RUNX3: variants seen among roughly 807,000 people sequenced by gnomAD.
RUNX3 encodes the protein RUNX family transcription factor 3.
A neutral mutation model predicts 27.7 loss-of-function variants in RUNX3; 10 were observed. The observed-to-expected ratio is 0.36, with a 90% confidence interval of 0.22 to 0.61. RUNX3 has a LOEUF of 0.61. Ranked by LOEUF, RUNX3 falls within the 20% of genes least tolerant of loss-of-function variation. The pLI, the probability that RUNX3 is intolerant of heterozygous loss-of-function variation, is 0.72. For missense variants in RUNX3, 469 were observed against 629.5 expected, an observed-to-expected ratio of 0.75 and a Z score of 2.73; for synonymous variants, 270 against 269.2, an observed-to-expected ratio of 1.00 and a Z score of -0.03.
At chr1:24,907,217 C>A (rs1193373888) in intron 4 of RUNX3, 42 bp downstream of exon 4, 6 of 1,589,880 alleles carry the variant, frequency 3.8e-6, no homozygotes, top group Non-Finnish European at 4.3e-6. Flanking sequence ...AGGCCCTCCA[C>A]CCCCACCTCA....
chr1:24,941,645 C>G (rs1379231618), intron 2 of RUNX3, among the ~76,000 whole-genome samples: 1 of 152,172 alleles, frequency 6.6e-6, no homozygotes, highest in African/African-American at 2.4e-5. Context: ...AAACAAAAGA[C>G]AGAACGGTGG....
Position 24,930,230 on chromosome 1 carries a change from G to A in RUNX3, c.-362C>T. The A allele has an allele frequency of 1.0e-6, 1 of 982,406 alleles. No homozygotes were observed. The highest frequency in any genetic ancestry group is 1.2e-6 in the Non-Finnish European group (1 of 828,680). The allele number at this position is 982,406 out of a possible 1,614,324, so 60.9% of individuals were successfully genotyped here. ...CCCGAAGCTCGCCCGCGGCCGCCCC[G>A]ACTCCGCGGCCGCAGCCCCAGAACA... is the stretch of plus-strand genomic sequence containing the variant. On this transcript the variant is annotated 5_prime_UTR_variant, in exon 1 of 5. Coordinates refer to ENST00000308873, the MANE Select transcript of RUNX3 (RefSeq NM_004350.3). The surrounding 1 kb of genome is among the most constrained non-coding windows in gnomAD (Gnocchi z 4.1).
intron 2 of RUNX3, among the ~76,000 whole-genome samples, chr1:24,960,706 A>G (rs964320840): frequency 1.3e-5 from 2 of 152,048 alleles, no homozygotes; most frequent in African/African-American, 4.8e-5. Flanking sequence ...GGAGGGCCTC[A>G]TGAGGCAGAT....
At chr1:24,908,059 G>A (rs182414786) in intron 3 of RUNX3, among the ~76,000 whole-genome samples, 89 of 136,582 alleles carry the variant, frequency 6.5e-4, no homozygotes, top group South Asian at 3.2e-3. Flanking sequence ...GAACCTCTAC[G>A]ACACACGGTG....
Position 24,901,833 on chromosome 1 carries a change from C to T in RUNX3, c.*289G>A, listed in dbSNP as rs561722581. On this transcript the variant is annotated 3_prime_UTR_variant, in exon 5 of 5. Transcript: ENST00000308873. ...ATAGCTGGAGACAGTGAGGTCCTTC[C>T]GGGGGGGTGGCAGGAGGCTGATTCC... is the stretch of plus-strand genomic sequence containing the variant. 6 of 433,740 alleles carry T rather than the reference C, an allele frequency of 1.4e-5. No homozygotes were observed. Among genetic ancestry groups the T allele is most frequent in the South Asian group, 4.0e-5 (1 of 24,870 alleles). 26.9% of individuals were successfully genotyped at this position (433,740 alleles called of 1,614,324 possible).
At chr1:24,937,665 G>A (rs1212461109) in intron 2 of RUNX3, among the ~76,000 whole-genome samples, 1 of 152,210 alleles carries the variant, frequency 6.6e-6, no homozygotes, top group Non-Finnish European at 1.5e-5. Flanking sequence ...ATGCCCAGGG[G>A]GATGGGGATA....
In RUNX3 at chr1:24,918,565, T is replaced by TTTCA. The variant is rs554214429; in HGVS notation, c.544+671_544+674dup. On this transcript the variant is annotated intron_variant, in intron 3 of 4. Coordinates refer to ENST00000308873, the MANE Select transcript of RUNX3 (RefSeq NM_004350.3). ...GAGCTCAGGAAGCTGGCTGGCTCTATTTCATTCATTCATTCATTCATTCAG... is the reference window on the plus strand; with the variant it reads ...GAGCTCAGGAAGCTGGCTGGCTCTATTTCATTCATTCATTCATTCATTCATTCAG... Among the ~76,000 whole-genome samples the TTTCA allele has an allele frequency of 5.0e-3, 757 of 151,974 alleles. 4 individuals are homozygous for TTTCA. Among genetic ancestry groups the TTTCA allele is most frequent in the South Asian group, 0.016 (75 of 4,796 alleles).
At chr1:24,946,864 C>T (rs1440059124) in intron 2 of RUNX3, among the ~76,000 whole-genome samples, 1 of 152,212 alleles carries the variant, frequency 6.6e-6, no homozygotes, top group Non-Finnish European at 1.5e-5. Flanking sequence ...AGAGAAAAGC[C>T]TTGTCTACAC....
upstream of RUNX3, among the ~76,000 whole-genome samples, chr1:24,931,334 G>A (rs1254797312): frequency 6.6e-6 from 1 of 152,210 alleles, no homozygotes; most frequent in Non-Finnish European, 1.5e-5. Context: ...CCCGGCTCCG[G>A]GTCCCCGCTC....
In RUNX3 at chr1:24,927,949, T is replaced by C. The variant is rs1452996878; in HGVS notation, c.283-219A>G. Among the ~76,000 whole-genome samples the C allele has an allele frequency of 6.6e-6, 1 of 152,162 alleles. No individual in the cohort carries two copies. The highest frequency in any genetic ancestry group is 2.4e-5 in the African/African-American group (1 of 41,422). On this transcript the variant is annotated intron_variant, in intron 1 of 4. Transcript: ENST00000308873. This position sits in a 1 kb window ranked among gnomAD's most constrained non-coding sequence, Gnocchi z 5.0. The stretch of plus-strand genomic sequence containing the variant: ...GGAATCTCGAGCTTCCACACCAAAA[T>C]CCTAGATCAACTGCTTACATAAACT...
rs1243410298 is a variant in RUNX3, at chr1:24,943,085, G to A, written c.59-13233C>T. Reference sequence around the variant, plus strand: ...ACAAGGTGGCAGCACCGGGAGCCGAGCCGGGTGTCATTGATCTTGCCCGGT... The same window carrying A: ...ACAAGGTGGCAGCACCGGGAGCCGAACCGGGTGTCATTGATCTTGCCCGGT... On this transcript the variant is annotated intron_variant, in intron 2 of 6. Coordinates refer to the RUNX3 transcript ENST00000338888. The surrounding 1 kb of genome is among the most constrained non-coding windows in gnomAD (Gnocchi z 4.6). Among the ~76,000 whole-genome samples, 4 of 152,266 alleles carry A rather than the reference G, an allele frequency of 2.6e-5. No individual in the cohort carries two copies. Among genetic ancestry groups the A allele is most frequent in the African/African-American group, 7.2e-5 (3 of 41,472 alleles).
rs575053057 is a variant in RUNX3 at position 24,947,531 on chromosome 1, G to A, written c.58+16983C>T. Among the ~76,000 whole-genome samples the A allele has an allele frequency of 2.6e-5, 4 of 152,332 alleles. No individual in the cohort carries two copies. The South Asian group carries it at 8.3e-4, about 32-fold the overall frequency. On this transcript the variant is annotated intron_variant, in intron 2 of 6. Coordinates refer to the RUNX3 transcript ENST00000338888. The stretch of plus-strand genomic sequence containing the variant: ...CAAGCAGCCAAGCCCGGTCTTTGAG[G>A]GGTTGGAGTGGGCAGGCCTTTGACC...
chr1:24,959,496 TC>T (rs1642044580), intron 2 of RUNX3, among the ~76,000 whole-genome samples: 1 of 152,084 alleles, frequency 6.6e-6, no homozygotes, highest in Non-Finnish European at 1.5e-5. Context: ...TCTGTTCCTC[TC>T]CCAGGGATGG....
At chr1:24,952,088 A>T (rs1641781754) in intron 2 of RUNX3, among the ~76,000 whole-genome samples, 1 of 152,236 alleles carries the variant, frequency 6.6e-6, no homozygotes, top group Admixed American at 6.5e-5. Flanking sequence ...TTGAGTCATA[A>T]TTTATATTTT....
At chr1:24,908,725 G>A (rs1463167949) in intron 3 of RUNX3, among the ~76,000 whole-genome samples, 1 of 152,176 alleles carries the variant, frequency 6.6e-6, no homozygotes, top group Non-Finnish European at 1.5e-5. Context: ...AAGGGAGGCA[G>A]GGAGATAACC....
intron 4 of RUNX3, among the ~76,000 whole-genome samples, chr1:24,903,272 A>T (rs936045596): frequency 1.3e-5 from 2 of 152,162 alleles, no homozygotes; most frequent in Non-Finnish European, 2.9e-5. Context: ...CAGCACGCGG[A>T]GGTTCTGTGC....
At chr1:24,913,595 G>A (rs754331261) in intron 3 of RUNX3, among the ~76,000 whole-genome samples, 1 of 152,246 alleles carries the variant, frequency 6.6e-6, no homozygotes, top group African/African-American at 2.4e-5. Context: ...CTGTGCAGTG[G>A]GGGTGACCCA....
chr1:24,902,452 G>A lies in RUNX3; in HGVS notation c.918C>T (p.Thr306=), dbSNP rs1485449765. 1 of 1,604,350 alleles carries A rather than the reference G, an allele frequency of 6.2e-7. No homozygotes were observed. The highest frequency in any genetic ancestry group is 1.1e-5 in the South Asian group (1 of 90,954). Residue 306 remains threonine (T), a synonymous_variant, in exon 5 of 5, where the codon ACC becomes ACT. Transcript: ENST00000308873. This position sits in a 1 kb window ranked among gnomAD's most constrained non-coding sequence, Gnocchi z 9.2. ...CCCCCGGGTAGGGTGGCGGGAGGTA[G>A]GTATGGTGGAAGCGGCTGGTGGCCG... The part of the protein sequence containing the change: ...GMPATSRFHH[T]YLPPPYPGAP...
intron 2 of RUNX3, among the ~76,000 whole-genome samples, chr1:24,922,244 C>T (rs554324500): frequency 6.9e-6 from 1 of 144,312 alleles, no homozygotes; most frequent in Admixed American, 7.2e-5. Context: ...TGGTCTTGAA[C>T]TCCTGGGCTC....
Sources: gnomAD v4.1 joint callset for allele counts (sites outside exome capture counted in the v4.1 genomes callset) on GRCh38, gnomAD v4.1.1 for gene constraint, Gnocchi (gnomAD v3.1) non-coding constraint, MANE v1.5 for transcripts, NCBI Gene and HGNC (gene_info 2026-07-23, HGNC 2026-07-21) for gene names.